The following FSTL4 variants were observed in gnomAD, a reference collection of about 807,000 sequenced individuals.
FSTL4 encodes follistatin-related protein 4.
FSTL4 carries 28 observed loss-of-function variants against 78.2 expected under a neutral mutation model. The observed-to-expected ratio is 0.36, with a 90% CI of 0.27 to 0.49. FSTL4 has a LOEUF of 0.49. Among genes scored for constraint, FSTL4 ranks in the 20% least tolerant of loss-of-function variants. The pLI is 0.98. For missense variants in FSTL4, 922 were observed against 1,084.9 expected, an observed-to-expected ratio of 0.85 and a Z score of 2.11; for synonymous variants, 422 against 440.5, an observed-to-expected ratio of 0.96 and a Z score of 0.53.
intron 3 of FSTL4, among the ~76,000 whole-genome samples, chr5:133,410,199 G>A (rs904819632): frequency 2.6e-5 from 4 of 152,130 alleles, no homozygotes; most frequent in Admixed American, 1.3e-4. Flanking sequence ...TTTACAAAAC[G>A]GCTTTGTTTT....
the FSTL4 span, among the ~76,000 whole-genome samples, chr5:133,769,875 C>T: frequency 1.9e-3 from 288 of 152,150 alleles, 1 homozygote; most frequent in African/African-American, 6.8e-3. Flanking sequence ...CCTTTTGTAG[C>T]CTTTGGTGTC....
the FSTL4 span, among the ~76,000 whole-genome samples, chr5:133,760,740 A>C: frequency 3.3e-5 from 5 of 152,354 alleles, no homozygotes; most frequent in South Asian, 1.0e-3. Context: ...AGAGTGAGAA[A>C]AAGGAAGAGG....
intron 3 of FSTL4, among the ~76,000 whole-genome samples, chr5:133,529,681 C>T (rs1462401816): frequency 6.6e-6 from 1 of 152,148 alleles, no homozygotes; most frequent in East Asian, 1.9e-4. Context: ...CCAGACAGGG[C>T]ATTTCTGGTT....
intron 3 of FSTL4, among the ~76,000 whole-genome samples, chr5:133,447,411 C>T (rs1463100011): frequency 6.6e-6 from 1 of 152,208 alleles, no homozygotes; most frequent in Non-Finnish European, 1.5e-5. Context: ...TTTTGAGAAG[C>T]ACCTGGCTGG....
intron 3 of FSTL4, among the ~76,000 whole-genome samples, chr5:133,515,675 TGC>T (rs1265972478): frequency 6.8e-6 from 1 of 146,320 alleles, no homozygotes; most frequent in African/African-American, 2.7e-5. Flanking sequence ...AAATATCACC[TGC>T]TTTTTTTTTT....
intron 3 of FSTL4, among the ~76,000 whole-genome samples, chr5:133,513,039 G>A (rs559017741): frequency 6.6e-6 from 1 of 152,128 alleles, no homozygotes; most frequent in East Asian, 1.9e-4. Flanking sequence ...CAGGCTGGTC[G>A]TGAACTCCTG....
At chr5:133,782,477 C>A in the FSTL4 span, among the ~76,000 whole-genome samples, 1 of 152,216 alleles carries the variant, frequency 6.6e-6, no homozygotes, top group Non-Finnish European at 1.5e-5. Flanking sequence ...AAGATGAGCC[C>A]GTCACAGATG....
chr5:133,238,891 A>G (rs910312614), intron 7 of FSTL4, among the ~76,000 whole-genome samples: 1 of 152,212 alleles, frequency 6.6e-6, no homozygotes, highest in Admixed American at 6.5e-5. Context: ...CACTCTGGCC[A>G]TGCTTGAGGA....
intron 3 of FSTL4, among the ~76,000 whole-genome samples, chr5:133,512,824 C>CTT (rs11436815): frequency 3.4e-5 from 5 of 149,128 alleles, no homozygotes; most frequent in African/African-American, 5.0e-5. Flanking sequence ...GATTTTCTTC[C>CTT]TTTTTTTTTT....
the FSTL4 span, among the ~76,000 whole-genome samples, chr5:133,703,742 A>G: frequency 2.4e-4 from 36 of 152,192 alleles, no homozygotes; most frequent in Non-Finnish European, 1.9e-4. Context: ...CCAGGCAGGA[A>G]GAGAAGGCCA....
the FSTL4 span, among the ~76,000 whole-genome samples, chr5:133,834,529 C>A: frequency 3.3e-5 from 5 of 151,422 alleles, no homozygotes; most frequent in Middle Eastern, 0.017. Flanking sequence ...GGGGGAGTAA[C>A]AATTATAGAC....
chr5:133,478,492 T>G lies in FSTL4; in HGVS notation c.161-77506A>C, dbSNP rs544883097. Among the ~76,000 whole-genome samples the G allele has an allele frequency of 9.3e-4, 142 of 152,308 alleles. 1 individual carries two copies. Among genetic ancestry groups the G allele is most frequent in the Admixed American group, 2.1e-3 (32 of 15,302 alleles). On this transcript the variant is annotated intron_variant, in intron 3 of 15. Coordinates refer to ENST00000265342, the MANE Select transcript of FSTL4 (RefSeq NM_015082.2). The stretch of plus-strand genomic sequence containing the variant: ...AGGAGAGAGCCTTATTTTGCTGTAG[T>G]TGTTAGAATGCATTCCCCATATTAC...
At chr5:133,703,604 G>A in the FSTL4 span, among the ~76,000 whole-genome samples, 14 of 152,316 alleles carry the variant, frequency 9.2e-5, no homozygotes, top group East Asian at 2.3e-3. Flanking sequence ...CAGCCAGGAT[G>A]GAAAAGTCTT....
Position 133,225,011 on chromosome 5 carries a change from G to C in FSTL4, c.1312+139C>G. ...GGGTGCCCTCCAATTCCAGCTTTAT[G>C]CAAAGAGGGATATGAGGCTTACCCC... On this transcript the variant is annotated intron_variant, in intron 10 of 15. Coordinates refer to ENST00000265342, the MANE Select transcript of FSTL4 (RefSeq NM_015082.2). The surrounding 1 kb of genome is among the most constrained non-coding windows in gnomAD (Gnocchi z 4.6). 1.0e-6 allele frequency: 1 copy of C among 967,918 alleles called. No individual in the cohort carries two copies. Among genetic ancestry groups the C allele is most frequent in the South Asian group, 1.5e-5 (1 of 65,796 alleles). 60.0% of individuals were successfully genotyped at this position (967,918 alleles called of 1,614,324 possible). A position where few individuals can be genotyped will look rare whatever the true frequency, so the allele number is the denominator to read the frequency against.
Position 133,552,764 on chromosome 5 carries a change from T to C in FSTL4, c.160+14422A>G, listed in dbSNP as rs1052768934. Among the ~76,000 whole-genome samples the C allele has an allele frequency of 3.9e-5, 6 of 152,252 alleles. No homozygotes were observed. In the East Asian group the frequency reaches 1.2e-3, roughly 29 times the overall value. On this transcript the variant is annotated intron_variant, in intron 3 of 15. Transcript: ENST00000265342. ...TTTTCTTATGAAGAGGCAGACAGGC[T>C]TGGTGAGTTTCCAGGTAGGAGATGA...
At chr5:133,524,939 AAT>A (rs201629629) in intron 3 of FSTL4, among the ~76,000 whole-genome samples, 2,013 of 152,308 alleles carry the variant, frequency 0.013, 45 homozygotes, top group African/African-American at 0.047. Flanking sequence ...TAATCTTGCT[AAT>A]ATGTCTGTAA....
In FSTL4 at chr5:133,233,555, G is replaced by A. The variant is rs1273039376; in HGVS notation, c.895-18C>T. ...CCAAAGTCCTGCACAGGGCAAAGATGACGATGAGACTGGCCTCTTTATTGA... is the reference window on the plus strand; with the variant it reads ...CCAAAGTCCTGCACAGGGCAAAGATAACGATGAGACTGGCCTCTTTATTGA... On this transcript the variant is annotated intron_variant, in intron 7 of 15. Transcript: ENST00000265342. 1.3e-6 allele frequency: 2 copies of A among 1,576,686 alleles called. No homozygotes were observed. Among genetic ancestry groups the A allele is most frequent in the East Asian group, 2.4e-5 (1 of 41,796 alleles).
intron 6 of FSTL4, among the ~76,000 whole-genome samples, chr5:133,255,572 C>T (rs141487577): frequency 4.3e-4 from 65 of 152,358 alleles, no homozygotes; most frequent in African/African-American, 1.6e-3. Context: ...CTGTCTGGCA[C>T]TCTGGTGCCT....
chr5:133,826,600 C>T, the FSTL4 span, among the ~76,000 whole-genome samples: 2 of 152,194 alleles, frequency 1.3e-5, no homozygotes, highest in South Asian at 2.1e-4. Context: ...TCAAATCCCC[C>T]GTTGGCCTTT....
Sources: allele counts gnomAD v4.1 joint callset (sites outside exome capture counted in the v4.1 genomes callset), GRCh38; gene constraint gnomAD v4.1.1; non-coding constraint Gnocchi (gnomAD v3.1); transcripts MANE v1.5; gene names NCBI Gene and HGNC (gene_info 2026-07-23, HGNC 2026-07-21).